Variants in UGT1A7 observed in about 807,000 individuals in gnomAD.
The protein encoded by UGT1A7 is UDP-glucuronosyltransferase 1A7.
In UGT1A7, 33 loss-of-function variants were observed where a neutral mutation model predicts 45.6. The ratio of observed to expected loss-of-function variants is 0.72; its 90% CI spans 0.55 to 0.97. The LOEUF (loss-of-function observed/expected upper bound fraction) is 0.97. UGT1A7 is among the 50% of genes least tolerant of loss of function. The pLI is 0.00. For synonymous variants in UGT1A7, 274 were observed against 250.6 expected, an observed-to-expected ratio of 1.09 and a Z score of -0.88; for missense variants, 684 against 666.2, an observed-to-expected ratio of 1.03 and a Z score of -0.29.
intron 1 of UGT1A7, among the ~76,000 whole-genome samples, chr2:233,721,299 A>G (rs185045149): frequency 2.2e-4 from 34 of 152,276 alleles, no homozygotes; most frequent in Admixed American, 1.9e-3. Flanking sequence ...AGGCATTTGA[A>G]TAGTGATTGT....
intron 1 of UGT1A7, among the ~76,000 whole-genome samples, chr2:233,702,959 T>C (rs1364239981): frequency 1.3e-5 from 2 of 152,224 alleles, no homozygotes; most frequent in Non-Finnish European, 2.9e-5. Flanking sequence ...TGAATATTAC[T>C]GGCCTTGTAG....
chr2:233,752,468 T>C (rs1694980469), intron 1 of UGT1A7: 1 of 152,362 alleles, frequency 6.6e-6, no homozygotes, highest in Admixed American at 6.5e-5. Flanking sequence ...TATAGGCCTC[T>C]AGCAGTGTTA....
chr2:233,699,823 C>G (rs1272695507), intron 1 of UGT1A7, among the ~76,000 whole-genome samples: 1 of 152,170 alleles, frequency 6.6e-6, no homozygotes, highest in Non-Finnish European at 1.5e-5. Context: ...TAGTAGTTCT[C>G]AAATAGAACT....
In UGT1A7 at chr2:233,768,239, C is replaced by A. The variant is rs1699593098; in HGVS notation, c.1095C>A (p.Ala365=). Residue 365 remains alanine (A), a synonymous_variant, in exon 4 of 5, where the codon GCC becomes GCA. Coordinates refer to ENST00000373426, the MANE Select transcript of UGT1A7 (RefSeq NM_019077.3). ...NDLLGHPMTR[A]FITHAGSHGV... ...TCTCAGGTCACCCGATGACCCGTGC[C>A]TTTATCACCCATGCTGGTTCCCATG... 1 of 1,614,058 alleles carries A rather than the reference C, an allele frequency of 6.2e-7. No individual in the cohort carries two copies. The highest frequency in any genetic ancestry group is 1.3e-5 in the African/African-American group (1 of 74,904).
chr2:233,695,021 G>T (rs1263498020), intron 1 of UGT1A7, among the ~76,000 whole-genome samples: 2 of 152,084 alleles, frequency 1.3e-5, no homozygotes, highest in South Asian at 2.1e-4. Flanking sequence ...ATTTTGAACT[G>T]CAGTATACAT....
intron 1 of UGT1A7, among the ~76,000 whole-genome samples, chr2:233,734,879 CAGTT>C (rs1435181219): frequency 6.6e-6 from 1 of 152,150 alleles, no homozygotes; most frequent in Non-Finnish European, 1.5e-5. Flanking sequence ...GTCTGAGAGA[CAGTT>C]TGTTGTGATT....
intron 1 of UGT1A7, among the ~76,000 whole-genome samples, chr2:233,685,506 A>T (rs772967673): frequency 6.6e-6 from 1 of 152,256 alleles, no homozygotes; most frequent in Non-Finnish European, 1.5e-5. Flanking sequence ...TTACAGCAAG[A>T]AAAGATCTAT....
rs1002447306 is a variant in UGT1A7, at chr2:233,707,136, C to T, written c.855+24344C>T. On this transcript the variant is annotated intron_variant, in intron 1 of 4. Transcript: ENST00000373426. ...ATACTCTGCATTAGGCTTTCTATCCCGGAGGTCACTGCAGTTTATCAGCAC... is the reference window on the plus strand; with the variant it reads ...ATACTCTGCATTAGGCTTTCTATCCTGGAGGTCACTGCAGTTTATCAGCAC... Among the ~76,000 whole-genome samples the T allele has an allele frequency of 3.3e-5, 5 of 152,108 alleles. No homozygotes were observed. The South Asian group carries it at 6.2e-4, about 19-fold the overall frequency.
rs541889262 is a variant in UGT1A7 at position 233,732,819 on chromosome 2, A to T, written c.856-34215A>T. 7.3e-4 allele frequency among the ~76,000 whole-genome samples: 110 copies of T among 150,442 alleles called. 1 individual carries two copies. The highest frequency in any genetic ancestry group is 2.7e-3 in the African/African-American group (109 of 40,796). On this transcript the variant is annotated intron_variant, in intron 1 of 4. Coordinates refer to ENST00000373426, the MANE Select transcript of UGT1A7 (RefSeq NM_019077.3). The stretch of plus-strand genomic sequence containing the variant: ...CAGGCTCTTTTTTGATTCCATATGA[A>T]CTTTAAAGTAGTTTTTTCCAATTTT...
chr2:233,772,801 T>A lies in UGT1A7; in HGVS notation c.*242T>A. ...CTTTGATCAGGATGACATGTGCCATTTTTCAGAGGACGTGCAGACAGGCTG... is the reference window on the plus strand; with the variant it reads ...CTTTGATCAGGATGACATGTGCCATATTTCAGAGGACGTGCAGACAGGCTG... On this transcript the variant is annotated 3_prime_UTR_variant, in exon 5 of 5. Coordinates refer to ENST00000373426, the MANE Select transcript of UGT1A7 (RefSeq NM_019077.3). The A allele has an allele frequency of 2.6e-6, 3 of 1,145,220 alleles. No homozygotes were observed. Among genetic ancestry groups the A allele is most frequent in the South Asian group, 3.5e-5 (2 of 57,704 alleles). 70.9% of individuals were successfully genotyped at this position (1,145,220 alleles called of 1,614,324 possible).
intron 1 of UGT1A7, among the ~76,000 whole-genome samples, chr2:233,704,622 G>C (rs1418353770): frequency 6.6e-6 from 1 of 152,090 alleles, no homozygotes; most frequent in African/African-American, 2.4e-5. Flanking sequence ...TATAGAGTTT[G>C]TTATATTAAC....
At chr2:233,748,253 G>T (rs1389891866) in intron 1 of UGT1A7, among the ~76,000 whole-genome samples, 3 of 151,736 alleles carry the variant, frequency 2.0e-5, no homozygotes, top group Non-Finnish European at 2.9e-5. Flanking sequence ...CGTATTTCAG[G>T]TTTTAAATGG....
At chr2:233,701,218 C>T (rs1237228393) in intron 1 of UGT1A7, among the ~76,000 whole-genome samples, 1 of 152,080 alleles carries the variant, frequency 6.6e-6, no homozygotes, top group Non-Finnish European at 1.5e-5. Context: ...TATTTATAAT[C>T]CTTTGGGTAT....
intron 1 of UGT1A7, chr2:233,689,856 A>G (rs2074962856): frequency 2.2e-6 from 1 of 455,870 alleles, no homozygotes; most frequent in Admixed American, 2.4e-5. Flanking sequence ...GTTTTAGGCT[A>G]CTATTACCTT....
Position 233,682,801 on chromosome 2 carries a change from T to C in UGT1A7, c.855+9T>C, listed in dbSNP as rs1356907004. On this transcript the variant is annotated intron_variant, in intron 1 of 4. Transcript: ENST00000373426. Reference sequence around the variant, plus strand: ...GAAAGCCAGTGCCTATGGTAAGTTATCTCCCCTTTAGCACATTAAGAATAA... The same window carrying C: ...GAAAGCCAGTGCCTATGGTAAGTTACCTCCCCTTTAGCACATTAAGAATAA... 1 of 1,609,304 alleles carries C rather than the reference T, an allele frequency of 6.2e-7. No individual in the cohort carries two copies. The highest frequency in any genetic ancestry group is 1.3e-5 in the African/African-American group (1 of 74,816).
At chr2:233,700,879 C>A (rs1034154232) in intron 1 of UGT1A7, among the ~76,000 whole-genome samples, 1 of 152,082 alleles carries the variant, frequency 6.6e-6, no homozygotes, top group African/African-American at 2.4e-5. Context: ...CTCCTCCCCC[C>A]ACCCCACAAC....
chr2:233,743,660 G>A (rs1409299533), intron 1 of UGT1A7: 4 of 1,367,142 alleles, frequency 2.9e-6, no homozygotes, highest in East Asian at 4.5e-5. Context: ...GTACTCGAAG[G>A]GGTCCTCGAA....
chr2:233,772,754 T>C lies in UGT1A7; in HGVS notation c.*195T>C. On this transcript the variant is annotated 3_prime_UTR_variant, in exon 5 of 5. Transcript: ENST00000373426. ...GCTAGTCAGTAAAGATATTTGAATA[T>C]GTATCGTGCCCCCTCTGGTGTCTTT... 2 of 1,409,478 alleles carry C rather than the reference T, an allele frequency of 1.4e-6. No individual in the cohort carries two copies. Among genetic ancestry groups the C allele is most frequent in the Non-Finnish European group, 1.9e-6 (2 of 1,074,872 alleles). 87.3% of individuals were successfully genotyped at this position (1,409,478 alleles called of 1,614,324 possible).
At chr2:233,737,571 C>T (rs1014151357) in intron 1 of UGT1A7, among the ~76,000 whole-genome samples, 3 of 152,196 alleles carry the variant, frequency 2.0e-5, no homozygotes, top group African/African-American at 7.2e-5. Flanking sequence ...CACCCACTAT[C>T]CAACCAGTCC....
Sources: gnomAD v4.1 joint callset for allele counts (sites outside exome capture counted in the v4.1 genomes callset) on GRCh38, gnomAD v4.1.1 for gene constraint, MANE v1.5 for transcripts, NCBI Gene and HGNC (gene_info 2026-07-23, HGNC 2026-07-21) for gene names.